The following PTPRD variants were observed in gnomAD, a reference collection of about 807,000 sequenced individuals.
PTPRD encodes protein tyrosine phosphatase receptor type D.
A neutral mutation model predicts 214.5 loss-of-function variants in PTPRD; 34 were observed. The ratio of observed to expected loss-of-function variants is 0.16; its 90% CI spans 0.12 to 0.21. The LOEUF (loss-of-function observed/expected upper bound fraction) is 0.21. Ranked by LOEUF, PTPRD falls within the 10% of genes least tolerant of loss-of-function variation. PTPRD has a pLI of 1.00. For synonymous variants in PTPRD, 1,128 were observed against 845.7 expected (o/e 1.33, Z -5.79); for missense variants, 2,545 against 2,398.7 (o/e 1.06, Z -1.27).
intron 5 of PTPRD, among the ~76,000 whole-genome samples, chr9:9,877,766 G>A (rs2067299832): frequency 6.6e-6 from 1 of 151,952 alleles, no homozygotes; most frequent in African/African-American, 2.4e-5. Flanking sequence ...CCTGAGGTAG[G>A]GAGTTCTAGA....
chr9:8,890,265 A>G (rs2098527535), intron 11 of PTPRD, among the ~76,000 whole-genome samples: 3 of 152,246 alleles, frequency 2.0e-5, no homozygotes, highest in African/African-American at 4.8e-5. Flanking sequence ...AATGAAAAAT[A>G]CAGAAGGGTA....
intron 2 of PTPRD, among the ~76,000 whole-genome samples, chr9:10,557,546 G>A (rs1428454267): frequency 6.6e-6 from 1 of 152,084 alleles, no homozygotes; most frequent in Non-Finnish European, 1.5e-5. Flanking sequence ...AGTTTTCACT[G>A]CTGCTCTGCT....
At chr9:8,868,582 G>C (rs549889404) in intron 11 of PTPRD, among the ~76,000 whole-genome samples, 15 of 152,292 alleles carry the variant, frequency 9.8e-5, no homozygotes, top group African/African-American at 3.6e-4. Flanking sequence ...TGTAGCTCTA[G>C]AGAGCACAAT....
intron 7 of PTPRD, among the ~76,000 whole-genome samples, chr9:9,668,913 T>A (rs575243444): frequency 6.6e-6 from 1 of 152,270 alleles, no homozygotes. Flanking sequence ...AACTTTAGTG[T>A]TGAATGAAAT....
At chr9:8,991,088 G>T (rs1327201132) in intron 11 of PTPRD, among the ~76,000 whole-genome samples, 1 of 151,670 alleles carries the variant, frequency 6.6e-6, no homozygotes, top group Non-Finnish European at 1.5e-5. Flanking sequence ...GCATGTTGGT[G>T]CATGCCTGTA....
chr9:9,837,082 T>C (rs1395493276), intron 5 of PTPRD, among the ~76,000 whole-genome samples: 2 of 152,140 alleles, frequency 1.3e-5, no homozygotes, highest in African/African-American at 4.8e-5. Flanking sequence ...TTCTTTTCCC[T>C]ATGTTATGTG....
chr9:9,192,820 T>C (rs1474562098), intron 9 of PTPRD, among the ~76,000 whole-genome samples: 1 of 152,082 alleles, frequency 6.6e-6, no homozygotes, highest in Non-Finnish European at 1.5e-5. Flanking sequence ...AATCAACTGT[T>C]AATAAATATC....
rs1433432867 is a variant in PTPRD, at chr9:10,239,276, A to G, written c.-545+101687T>C. On this transcript the variant is annotated intron_variant, in intron 3 of 45. Transcript: ENST00000381196. The stretch of plus-strand genomic sequence containing the variant: ...GATGTTTGATAGAATTATACAATGA[A>G]TGTGACTAAAATGGTATAATAAATG... Among the ~76,000 whole-genome samples the G allele has an allele frequency of 3.3e-5, 5 of 151,874 alleles. No individual in the cohort carries two copies. In the East Asian group the frequency reaches 9.7e-4, roughly 29 times the overall value.
rs71332760 is a variant in PTPRD at position 10,564,171 on chromosome 9, C to CTTTTTTTTTTTTTTTTTTTTTTTTT, written c.-600+48226_-600+48227insAAAAAAAAAAAAAAAAAAAAAAAAA. Among the ~76,000 whole-genome samples the CTTTTTTTTTTTTTTTTTTTTTTTTT allele has an allele frequency of 1.4e-3, 40 of 29,406 alleles. 9 individuals are homozygous for CTTTTTTTTTTTTTTTTTTTTTTTTT. Among genetic ancestry groups the CTTTTTTTTTTTTTTTTTTTTTTTTT allele is most frequent in the Admixed American group, 3.9e-3 (6 of 1,538 alleles). 19.3% of individuals were successfully genotyped at this position (29,406 alleles called of 152,430 possible). A position where few individuals can be genotyped will look rare whatever the true frequency, so the allele number is the denominator to read the frequency against. On this transcript the variant is annotated intron_variant, in intron 2 of 45. Coordinates refer to ENST00000381196, the MANE Select transcript of PTPRD (RefSeq NM_002839.4). ...GTGTGCACCACCACACTAGGCTATT[C>CTTTTTTTTTTTTTTTTTTTTTTTTT]TTTTTTTTTTTTTTTTTTTTTTTTG... is the stretch of plus-strand genomic sequence containing the variant.
At chr9:10,287,774 C>T (rs893719961) in intron 3 of PTPRD, among the ~76,000 whole-genome samples, 5 of 152,020 alleles carry the variant, frequency 3.3e-5, no homozygotes, top group African/African-American at 9.7e-5. Context: ...AATACATTAA[C>T]TAGCAACTAT....
At chr9:9,628,911 C>T (rs182025576) in intron 7 of PTPRD, among the ~76,000 whole-genome samples, 272 of 151,984 alleles carry the variant, frequency 1.8e-3, no homozygotes, top group South Asian at 3.5e-3. Flanking sequence ...CAGTGGCCCA[C>T]ACCTGTAATC....
chr9:10,272,214 C>T (rs62541413), intron 3 of PTPRD, among the ~76,000 whole-genome samples: 30,995 of 152,060 alleles, frequency 0.2, 3,327 homozygotes, highest in East Asian at 0.33. Flanking sequence ...ATGTGGTCTC[C>T]TTTGTGACTG....
At position 9,769,708 on chromosome 9, in the gene PTPRD, C is replaced by T. The variant is rs144590086; in HGVS notation, c.-367-2857G>A. 2.8e-3 allele frequency among the ~76,000 whole-genome samples: 425 copies of T among 152,124 alleles called. 4 individuals are homozygous for T. Among genetic ancestry groups the T allele is most frequent in the African/African-American group, 9.8e-3 (407 of 41,506 alleles). Reference sequence around the variant, plus strand: ...ATGTGCCATGGTGGTTTGCTGCACCCATCAACCCATCATCTACATTAGGTA... The same window carrying T: ...ATGTGCCATGGTGGTTTGCTGCACCTATCAACCCATCATCTACATTAGGTA... On this transcript the variant is annotated intron_variant, in intron 5 of 45. Transcript: ENST00000381196.
At chr9:9,553,064 A>T (rs966884760) in intron 8 of PTPRD, among the ~76,000 whole-genome samples, 4 of 152,148 alleles carry the variant, frequency 2.6e-5, no homozygotes, top group African/African-American at 9.6e-5. Flanking sequence ...TTTCTTTTTT[A>T]TTAAATATGG....
intron 5 of PTPRD, among the ~76,000 whole-genome samples, chr9:9,797,804 C>T (rs747571148): frequency 1.6e-4 from 24 of 151,980 alleles, no homozygotes; most frequent in Non-Finnish European, 2.4e-4. Context: ...GCTGAGATCG[C>T]GCCATCGCAC....
In PTPRD at chr9:9,161,796, A is replaced by T. The variant is rs567777206; in HGVS notation, c.-143+21508T>A. On this transcript the variant is annotated intron_variant, in intron 10 of 45. Coordinates refer to ENST00000381196, the MANE Select transcript of PTPRD (RefSeq NM_002839.4). The stretch of plus-strand genomic sequence containing the variant: ...TATCATACTATATTTTTATCTCTAA[A>T]TGGTAAACTATGTAACACATCATAT... Among the ~76,000 whole-genome samples the T allele has an allele frequency of 2.0e-5, 3 of 152,218 alleles. No homozygotes were observed. In the East Asian group the frequency reaches 5.8e-4, roughly 29 times the overall value.
At chr9:9,201,242 TA>T (rs1019931483) in intron 9 of PTPRD, among the ~76,000 whole-genome samples, 2 of 152,062 alleles carry the variant, frequency 1.3e-5, no homozygotes, top group African/African-American at 4.8e-5. Flanking sequence ...CAGGCAGCAT[TA>T]AAAAACAATG....
At chr9:9,418,371 C>T (rs1190916959) in intron 8 of PTPRD, among the ~76,000 whole-genome samples, 3 of 151,950 alleles carry the variant, frequency 2.0e-5, no homozygotes, top group African/African-American at 7.2e-5. Context: ...AGAAAACCGA[C>T]ATAACTCACT....
intron 30 of PTPRD, among the ~76,000 whole-genome samples, chr9:8,476,877 C>T (rs766029371): frequency 7.9e-5 from 12 of 152,148 alleles, no homozygotes; most frequent in Non-Finnish European, 1.5e-4. Context: ...CTCTCAGTCT[C>T]ATCAAGCTTT....
Sources: allele counts gnomAD v4.1 joint callset (sites outside exome capture counted in the v4.1 genomes callset), GRCh38; gene constraint gnomAD v4.1.1; transcripts MANE v1.5; gene names NCBI Gene and HGNC (gene_info 2026-07-23, HGNC 2026-07-21).